The following NFAT5 variants were observed in gnomAD, a reference collection of about 807,000 sequenced individuals.
NFAT5 encodes nuclear factor of activated T cells 5.
In NFAT5, 31 loss-of-function variants were observed where a neutral mutation model predicts 166.5. The ratio of observed to expected loss-of-function variants is 0.19; its 90% CI spans 0.14 to 0.25. NFAT5 has a LOEUF of 0.25. Among genes scored for constraint, NFAT5 ranks in the 10% least tolerant of loss-of-function variants. The pLI is 1.00. For missense variants in NFAT5, 1,449 were observed against 1,821.8 expected, an observed-to-expected ratio of 0.80 and a Z score of 3.72; for synonymous variants, 612 against 639.7, an observed-to-expected ratio of 0.96 and a Z score of 0.65.
At chr16:69,602,626 A>G (rs543004631) in intron 2 of NFAT5, among the ~76,000 whole-genome samples, 9 of 143,850 alleles carry the variant, frequency 6.3e-5, no homozygotes, top group Admixed American at 2.1e-4. Context: ...CTCAAAATCT[A>G]TAAGAAAAGA....
At chr16:69,620,235 T>A (rs1178811358) in intron 2 of NFAT5, among the ~76,000 whole-genome samples, 1 of 152,250 alleles carries the variant, frequency 6.6e-6, no homozygotes, top group Non-Finnish European at 1.5e-5. Flanking sequence ...CTTCCCTTTC[T>A]GCCTATCTAC....
At chr16:69,592,432 T>C (rs1392577521) in intron 2 of NFAT5, among the ~76,000 whole-genome samples, 1 of 152,102 alleles carries the variant, frequency 6.6e-6, no homozygotes, top group Admixed American at 6.5e-5. Flanking sequence ...GATTTTTTTT[T>C]GTTGTTGTTC....
chr16:69,617,873 A>G (rs2034025176), intron 2 of NFAT5, among the ~76,000 whole-genome samples: 1 of 152,030 alleles, frequency 6.6e-6, no homozygotes, highest in African/African-American at 2.4e-5. Context: ...TTGTCTGTGG[A>G]AGGCCGGGCA....
At position 69,571,708 on chromosome 16, in the gene NFAT5, TGG is replaced by T. The variant is rs796764860; in HGVS notation, c.127+3165_127+3166del. 2.8e-3 allele frequency among the ~76,000 whole-genome samples: 403 copies of T among 144,550 alleles called. 2 individuals carry two copies. Among genetic ancestry groups the T allele is most frequent in the South Asian group, 6.8e-3 (31 of 4,534 alleles). The allele number at this position is 144,550 out of a possible 152,430, so 94.8% of individuals were successfully genotyped here. On this transcript the variant is annotated intron_variant, in intron 2 of 14. Coordinates refer to ENST00000349945, the MANE Select transcript of NFAT5 (RefSeq NM_138713.4). Reference sequence around the variant, plus strand: ...GTTTTCCAAATTTAAATTTTTTTTTTGGGGGGAAACAAGGTTGGAAAACCTGC... The same window carrying T: ...GTTTTCCAAATTTAAATTTTTTTTTTGGGGAAACAAGGTTGGAAAACCTGC...
intron 2 of NFAT5, among the ~76,000 whole-genome samples, chr16:69,587,475 G>A (rs1215442279): frequency 3.4e-5 from 5 of 148,846 alleles, no homozygotes; most frequent in African/African-American, 5.0e-5. Flanking sequence ...TGTAACCTCC[G>A]CCCCCCTGTG....
chr16:69,640,085 A>G (rs190674202), intron 3 of NFAT5, among the ~76,000 whole-genome samples: 1 of 152,146 alleles, frequency 6.6e-6, no homozygotes, highest in Admixed American at 6.5e-5. Context: ...TGGAATGCTT[A>G]TTTTATATGC....
At chr16:69,687,097 G>A (rs570981519) in intron 11 of NFAT5, among the ~76,000 whole-genome samples, 4 of 152,280 alleles carry the variant, frequency 2.6e-5, no homozygotes, top group South Asian at 4.1e-4. Context: ...CAAACTTAAT[G>A]TCTGGCCTGG....
chr16:69,668,545 T>A (rs2036496191), intron 7 of NFAT5, among the ~76,000 whole-genome samples: 1 of 152,248 alleles, frequency 6.6e-6, no homozygotes, highest in Non-Finnish European at 1.5e-5. Context: ...AAGGTAATTT[T>A]ACATAATATT....
intron 3 of NFAT5, among the ~76,000 whole-genome samples, chr16:69,635,780 C>T (rs572018340): frequency 7.2e-5 from 11 of 152,234 alleles, no homozygotes; most frequent in South Asian, 2.1e-4. Context: ...TGATTCACAA[C>T]ACATGGGAAT....
At position 69,647,992 on chromosome 16, in the gene NFAT5, T is replaced by A. The variant is rs2035512440; in HGVS notation, c.812+406T>A. Reference sequence around the variant, plus strand: ...TTCGAGACCAGCCTGACCAACATGGTGAAACCCCATCTCTACTAAAAATAC... The same window carrying A: ...TTCGAGACCAGCCTGACCAACATGGAGAAACCCCATCTCTACTAAAAATAC... On this transcript the variant is annotated intron_variant, in intron 4 of 14. Coordinates refer to ENST00000349945, the MANE Select transcript of NFAT5 (RefSeq NM_138713.4). The surrounding 1 kb of genome is among the most constrained non-coding windows in gnomAD (Gnocchi z 4.8). 6.6e-6 allele frequency among the ~76,000 whole-genome samples: 1 copy of A among 151,770 alleles called. No homozygotes were observed.
At chr16:69,657,835 C>T (rs1215180611) in intron 6 of NFAT5, among the ~76,000 whole-genome samples, 3 of 150,766 alleles carry the variant, frequency 2.0e-5, no homozygotes, top group African/African-American at 7.3e-5. Flanking sequence ...CCTGTAATCC[C>T]AGCACTTTGG....
At chr16:69,657,046 T>C (rs544428116) in intron 6 of NFAT5, among the ~76,000 whole-genome samples, 56 of 152,334 alleles carry the variant, frequency 3.7e-4, no homozygotes, top group Non-Finnish European at 5.7e-4. Context: ...CTAAAGACTT[T>C]ACTTGGTTTT....
chr16:69,672,397 C>G (rs540557120), intron 9 of NFAT5, among the ~76,000 whole-genome samples: 1 of 152,128 alleles, frequency 6.6e-6, no homozygotes, highest in East Asian at 1.9e-4. Flanking sequence ...GTAAGATAAG[C>G]GCTTTCATTA....
At chr16:69,652,510 T>G (rs1445777948) in intron 4 of NFAT5, among the ~76,000 whole-genome samples, 1 of 151,580 alleles carries the variant, frequency 6.6e-6, no homozygotes, top group Non-Finnish European at 1.5e-5. Flanking sequence ...TTGTAAAAAT[T>G]TTTATTGAGG....
chr16:69,639,857 CA>C (rs1375829222), intron 3 of NFAT5, among the ~76,000 whole-genome samples: 1 of 152,080 alleles, frequency 6.6e-6, no homozygotes, highest in Non-Finnish European at 1.5e-5. Context: ...CATCTATAAA[CA>C]GAACAAATTG....
intron 10 of NFAT5, among the ~76,000 whole-genome samples, chr16:69,680,655 T>C (rs2037020221): frequency 1.3e-5 from 2 of 152,232 alleles, no homozygotes; most frequent in Admixed American, 1.3e-4. Context: ...TGAATAAATA[T>C]AAGGTATGCA....
chr16:69,635,569 GA>G (rs551174134), intron 3 of NFAT5, among the ~76,000 whole-genome samples: 68 of 152,052 alleles, frequency 4.5e-4, no homozygotes, highest in African/African-American at 1.5e-3. Flanking sequence ...AGACTAGAAA[GA>G]AAAAAAGGTT....
At chr16:69,684,434 G>A (rs1567605712) in intron 10 of NFAT5, among the ~76,000 whole-genome samples, 2 of 150,354 alleles carry the variant, frequency 1.3e-5, no homozygotes, top group Non-Finnish European at 1.5e-5. Flanking sequence ...GGTGGCAGGC[G>A]CCTGTAATCC....
intron 3 of NFAT5, among the ~76,000 whole-genome samples, chr16:69,645,845 C>G (rs2035416253): frequency 6.6e-6 from 1 of 152,164 alleles, no homozygotes; most frequent in African/African-American, 2.4e-5. Context: ...ATGACAACTT[C>G]CAACCTTAGC....
Sources: gnomAD v4.1 joint callset for allele counts (sites outside exome capture counted in the v4.1 genomes callset) on GRCh38, gnomAD v4.1.1 for gene constraint, Gnocchi (gnomAD v3.1) non-coding constraint, MANE v1.5 for transcripts, NCBI Gene and HGNC (gene_info 2026-07-23, HGNC 2026-07-21) for gene names.